The following VAV3 variants were observed in gnomAD, a reference collection of about 807,000 sequenced individuals.
The protein encoded by VAV3 is guanine nucleotide exchange factor VAV3.
A neutral mutation model predicts 131.2 loss-of-function variants in VAV3; 94 were observed. That is an observed-to-expected ratio of 0.72 (90% CI 0.61 to 0.85). The LOEUF (loss-of-function observed/expected upper bound fraction) is 0.85, where lower values mean the gene tolerates loss of function less well. VAV3 is among the 40% of genes least tolerant of loss of function. VAV3 has a pLI of 0.00. For missense variants in VAV3, 939 were observed against 1,002.7 expected, an observed-to-expected ratio of 0.94 and a Z score of 0.86; for synonymous variants, 349 against 342.0, an observed-to-expected ratio of 1.02 and a Z score of -0.22.
At chr1:107,888,930 T>G (rs570087013) in intron 1 of VAV3, among the ~76,000 whole-genome samples, 1 of 152,306 alleles carries the variant, frequency 6.6e-6, no homozygotes, top group Non-Finnish European at 1.5e-5. Context: ...AATTTAAAGA[T>G]AGGCCCATCT....
At chr1:107,738,122 G>A (rs572512179) in intron 15 of VAV3, among the ~76,000 whole-genome samples, 31 of 152,208 alleles carry the variant, frequency 2.0e-4, no homozygotes, top group African/African-American at 5.5e-4. Flanking sequence ...ACCAAACACC[G>A]CATGTTCTCA....
chr1:107,723,707 A>G (rs1368558142), intron 15 of VAV3, among the ~76,000 whole-genome samples: 1 of 151,976 alleles, frequency 6.6e-6, no homozygotes, highest in African/African-American at 2.4e-5. Context: ...CACCCTATAC[A>G]GAGGAGCTGT....
chr1:107,774,098 A>G (rs1665201651), intron 4 of VAV3, among the ~76,000 whole-genome samples: 1 of 151,800 alleles, frequency 6.6e-6, no homozygotes, highest in African/African-American at 2.4e-5. Context: ...ACAGAGTCTC[A>G]CTCTGTTGCC....
At chr1:107,582,229 T>A (rs1650106043) in intron 25 of VAV3, among the ~76,000 whole-genome samples, 1 of 152,138 alleles carries the variant, frequency 6.6e-6, no homozygotes, top group Non-Finnish European at 1.5e-5. Context: ...CCAGAGAACA[T>A]GCTGAGAATT....
At chr1:107,892,778 G>A (rs992725293) in intron 1 of VAV3, among the ~76,000 whole-genome samples, 3 of 152,170 alleles carry the variant, frequency 2.0e-5, no homozygotes, top group Non-Finnish European at 4.4e-5. Flanking sequence ...GTTTGCTCAT[G>A]TCATACTCTC....
At chr1:107,877,192 C>T (rs367693378) in intron 1 of VAV3, among the ~76,000 whole-genome samples, 5 of 152,104 alleles carry the variant, frequency 3.3e-5, no homozygotes, top group African/African-American at 9.7e-5. Flanking sequence ...TCATAAGAGA[C>T]CTTTAAGACA....
chr1:107,694,929 C>T (rs952779014), intron 17 of VAV3, among the ~76,000 whole-genome samples: 3 of 152,098 alleles, frequency 2.0e-5, no homozygotes, highest in African/African-American at 7.2e-5. Flanking sequence ...CAGGGGAGCA[C>T]AGAGGACTGA....
chr1:107,937,358 G>A (rs1441229018), intron 1 of VAV3, among the ~76,000 whole-genome samples: 2 of 152,174 alleles, frequency 1.3e-5, no homozygotes, highest in Non-Finnish European at 2.9e-5. Flanking sequence ...AGTGACTGCA[G>A]CAGCTGTAAC....
In VAV3 at chr1:107,943,022, G is replaced by A. The variant is rs530282839; in HGVS notation, c.204+21644C>T. On this transcript the variant is annotated intron_variant, in intron 1 of 26. Coordinates refer to ENST00000370056, the MANE Select transcript of VAV3 (RefSeq NM_006113.5). ...GCTTCTTCCCCCTAGGCAGTGTAGA[G>A]TTCAGCTTCTCACAGGTCTTGTCTT... Among the ~76,000 whole-genome samples the A allele has an allele frequency of 2.0e-5, 3 of 152,232 alleles. No individual in the cohort carries two copies. In the South Asian group the frequency reaches 6.2e-4, roughly 32 times the overall value.
chr1:107,715,676 C>T (rs1008873119), intron 15 of VAV3, among the ~76,000 whole-genome samples: 6 of 152,110 alleles, frequency 3.9e-5, no homozygotes, highest in African/African-American at 1.2e-4. Context: ...ATGCATTGTT[C>T]ATTCTCTTAT....
In VAV3 at chr1:107,869,789, C is replaced by T. The variant is rs117448288; in HGVS notation, c.321+5112G>A. Among the ~76,000 whole-genome samples the T allele has an allele frequency of 9.6e-4, 146 of 152,286 alleles. 3 individuals carry two copies. In the East Asian group the frequency reaches 0.026, roughly 27 times the overall value. On this transcript the variant is annotated intron_variant, in intron 2 of 26. Coordinates refer to ENST00000370056, the MANE Select transcript of VAV3 (RefSeq NM_006113.5). ...AAACCCAATTTGCAGTCTTTTATCC[C>T]TCACCTCCTTTTCACACTTTCCCCT...
chr1:107,716,711 T>C (rs1185676214), intron 15 of VAV3, among the ~76,000 whole-genome samples: 1 of 152,172 alleles, frequency 6.6e-6, no homozygotes, highest in African/African-American at 2.4e-5. Context: ...GTTGTTGTTG[T>C]GTCTCTGCCA....
intron 20 of VAV3, among the ~76,000 whole-genome samples, chr1:107,631,746 C>A (rs1005986146): frequency 1.4e-4 from 21 of 150,014 alleles, no homozygotes; most frequent in African/African-American, 4.9e-4. Flanking sequence ...TTTGTCCTTG[C>A]GATAATTTGC....
chr1:107,775,764 G>GAAACTACT, intron 4 of VAV3, among the ~76,000 whole-genome samples: 1 of 152,106 alleles, frequency 6.6e-6, no homozygotes, highest in East Asian at 1.9e-4. Flanking sequence ...TAAGAGATAA[G>GAAACTACT]AAACTACTCT....
intron 20 of VAV3, among the ~76,000 whole-genome samples, chr1:107,640,272 C>T (rs1215329952): frequency 1.3e-5 from 2 of 151,986 alleles, no homozygotes; most frequent in African/African-American, 2.4e-5. Context: ...ACACATGGAA[C>T]GATAATCAGC....
At chr1:107,696,850 C>G (rs548741812) in intron 17 of VAV3, among the ~76,000 whole-genome samples, 1 of 152,118 alleles carries the variant, frequency 6.6e-6, no homozygotes, top group African/African-American at 2.4e-5. Context: ...TATCTTATCC[C>G]TTTTCCTGCC....
rs569846700 is a variant in VAV3 at position 107,739,451 on chromosome 1, G to A, written c.1502+9517C>T. ...TTGAAAGGTTATAGACAATACATTAGATTCAGGGAGAGTTGAGCTGGCTTC... is the reference window on the plus strand; with the variant it reads ...TTGAAAGGTTATAGACAATACATTAAATTCAGGGAGAGTTGAGCTGGCTTC... On this transcript the variant is annotated intron_variant, in intron 15 of 26. Transcript: ENST00000370056. 1.5e-4 allele frequency among the ~76,000 whole-genome samples: 23 copies of A among 152,258 alleles called. 1 individual carries two copies. In the East Asian group the frequency reaches 4.2e-3, roughly 28 times the overall value.
At chr1:107,691,201 G>C (rs1382851244) in intron 17 of VAV3, among the ~76,000 whole-genome samples, 1 of 152,118 alleles carries the variant, frequency 6.6e-6, no homozygotes, top group African/African-American at 2.4e-5. Flanking sequence ...TAATGGTAAG[G>C]AGAGAAAGGA....
At chr1:107,644,816 C>T (rs1055584058) in intron 19 of VAV3, among the ~76,000 whole-genome samples, 15 of 151,972 alleles carry the variant, frequency 9.9e-5, no homozygotes, top group African/African-American at 3.4e-4. Flanking sequence ...TGGAGCAATG[C>T]TGCCTCATAT....
Sources: allele counts gnomAD v4.1 joint callset (sites outside exome capture counted in the v4.1 genomes callset), GRCh38; gene constraint gnomAD v4.1.1; transcripts MANE v1.5; gene names NCBI Gene and HGNC (gene_info 2026-07-23, HGNC 2026-07-21).